The following GRIK4 variants were observed in gnomAD, a reference collection of about 807,000 sequenced individuals.
GRIK4 encodes glutamate receptor ionotropic, kainate 4.
Under a neutral mutation model 104.9 loss-of-function variants are expected in GRIK4, and 40 were observed. The observed-to-expected ratio is 0.38, with a 90% CI of 0.30 to 0.50. The LOEUF (loss-of-function observed/expected upper bound fraction) is 0.50. GRIK4 is among the 20% of genes least tolerant of loss of function. GRIK4 has a pLI of 0.93. For missense variants in GRIK4, 1,047 were observed against 1,308.1 expected (o/e 0.80, Z 3.08); for synonymous variants, 485 against 524.9 (o/e 0.92, Z 1.04).
intron 3 of GRIK4, among the ~76,000 whole-genome samples, chr11:120,772,661 C>T (rs377151466): frequency 4.0e-5 from 6 of 151,164 alleles, no homozygotes; most frequent in African/African-American, 1.2e-4. Flanking sequence ...GTGTGTGTTA[C>T]ATGGGAGAAA....
At chr11:120,925,381 C>A (rs1943321176) in intron 13 of GRIK4, among the ~76,000 whole-genome samples, 1 of 152,174 alleles carries the variant, frequency 6.6e-6, no homozygotes, top group African/African-American at 2.4e-5. Context: ...TTTACACAGG[C>A]CCCCGATCAC....
intron 3 of GRIK4, among the ~76,000 whole-genome samples, chr11:120,711,802 C>T (rs1950738698): frequency 6.6e-6 from 1 of 152,216 alleles, no homozygotes; most frequent in Non-Finnish European, 1.5e-5. Context: ...CCCCAGTGCC[C>T]TCAGGCCAGG....
intron 1 of GRIK4, among the ~76,000 whole-genome samples, chr11:120,547,815 T>G (rs1948100545): frequency 1.3e-5 from 2 of 152,216 alleles, no homozygotes; most frequent in African/African-American, 4.8e-5. Flanking sequence ...CTGAATTTAT[T>G]TTTTATAAGA....
At chr11:120,623,461 G>C (rs1949215254) in intron 1 of GRIK4, among the ~76,000 whole-genome samples, 2 of 152,154 alleles carry the variant, frequency 1.3e-5, no homozygotes, top group East Asian at 3.9e-4. Context: ...TGACCCCATC[G>C]GTCTGTGAAC....
chr11:120,531,088 T>G (rs954690136), intron 1 of GRIK4, among the ~76,000 whole-genome samples: 1 of 152,196 alleles, frequency 6.6e-6, no homozygotes, highest in Non-Finnish European at 1.5e-5. Flanking sequence ...CAGAAGGGTG[T>G]GACAGCCCTT....
Position 120,985,886 on chromosome 11 carries a change from C to T in GRIK4, c.2515-18C>T. On this transcript the variant is annotated intron_variant, in intron 20 of 20. Transcript: ENST00000527524. ...GGCTGGTTGAGAGGCTGGGCCCTGA[C>T]CTCGCTGTCTCCTCCAGGTGTCCGT... The T allele has an allele frequency of 1.3e-6, 2 of 1,550,478 alleles. No homozygotes were observed. The highest frequency in any genetic ancestry group is 1.7e-6 in the Non-Finnish European group (2 of 1,146,968).
intron 11 of GRIK4, among the ~76,000 whole-genome samples, chr11:120,893,686 G>A (rs147459436): frequency 1.4e-4 from 22 of 152,328 alleles, no homozygotes; most frequent in African/African-American, 4.8e-4. Flanking sequence ...GTACACATCC[G>A]TTCCCAGCTC....
At chr11:120,551,382 C>T (rs939729599) in intron 1 of GRIK4, among the ~76,000 whole-genome samples, 4 of 152,196 alleles carry the variant, frequency 2.6e-5, no homozygotes, top group Admixed American at 6.5e-5. Context: ...TGGGTCCCGC[C>T]CTCATACCCA....
At chr11:120,776,008 A>T (rs775966862) in intron 3 of GRIK4, among the ~76,000 whole-genome samples, 10 of 152,244 alleles carry the variant, frequency 6.6e-5, no homozygotes, top group Non-Finnish European at 1.3e-4. Context: ...CTGAGAAGGC[A>T]TCTCTCAGTT....
At chr11:120,767,628 A>G (rs570729175) in intron 3 of GRIK4, among the ~76,000 whole-genome samples, 2 of 152,246 alleles carry the variant, frequency 1.3e-5, no homozygotes, top group South Asian at 2.1e-4. Context: ...TGTTAAGGCC[A>G]GTGTCAAGGA....
At chr11:120,571,328 G>T (rs1041251939) in intron 1 of GRIK4, among the ~76,000 whole-genome samples, 1 of 152,252 alleles carries the variant, frequency 6.6e-6, no homozygotes, top group African/African-American at 2.4e-5. Context: ...TCTGCATGCC[G>T]CTGCACACCC....
intron 1 of GRIK4, among the ~76,000 whole-genome samples, chr11:120,597,300 T>C (rs2135123041): frequency 6.6e-6 from 1 of 152,300 alleles, no homozygotes; most frequent in East Asian, 1.9e-4. Context: ...CCCACCATGA[T>C]GAGGAGATGA....
chr11:120,611,958 G>A (rs2135148976), intron 1 of GRIK4, among the ~76,000 whole-genome samples: 1 of 152,224 alleles, frequency 6.6e-6, no homozygotes, highest in East Asian at 1.9e-4. Flanking sequence ...TGGGTTGAGG[G>A]CACCCCCTCC....
In GRIK4 at chr11:120,524,428, G is replaced by C. The variant is rs1269446308; in HGVS notation, c.-159+12541G>C. Among the ~76,000 whole-genome samples, 1 of 152,174 alleles carries C rather than the reference G, an allele frequency of 6.6e-6. No individual in the cohort carries two copies. Among genetic ancestry groups the C allele is most frequent in the Non-Finnish European group, 1.5e-5 (1 of 68,032 alleles). On this transcript the variant is annotated intron_variant, in intron 1 of 20. Transcript: ENST00000527524. The surrounding 1 kb of genome is among the most constrained non-coding windows in gnomAD (Gnocchi z 4.5). ...TATGGGATTGAAAAGTCAATTGTGTGATCTTAAAACACATTTCCCCTGGTG... is the reference window on the plus strand; with the variant it reads ...TATGGGATTGAAAAGTCAATTGTGTCATCTTAAAACACATTTCCCCTGGTG...
intron 3 of GRIK4, among the ~76,000 whole-genome samples, chr11:120,676,422 G>T (rs955434976): frequency 6.6e-6 from 1 of 152,178 alleles, no homozygotes; most frequent in Non-Finnish European, 1.5e-5. Context: ...AAGAAAAGAG[G>T]TTTATTTAGC....
chr11:120,907,473 C>A (rs749168680), intron 13 of GRIK4, among the ~76,000 whole-genome samples: 1 of 152,168 alleles, frequency 6.6e-6, no homozygotes, highest in Non-Finnish European at 1.5e-5. Flanking sequence ...AAAAATACTG[C>A]TGCTTTGGCC....
At chr11:120,976,745 T>G (rs945149402) in intron 19 of GRIK4, among the ~76,000 whole-genome samples, 17 of 152,348 alleles carry the variant, frequency 1.1e-4, no homozygotes, top group African/African-American at 3.4e-4. Flanking sequence ...GTGGCACTAG[T>G]CAGTCCTCTG....
At chr11:120,786,929 C>T (rs539826785) in intron 3 of GRIK4, among the ~76,000 whole-genome samples, 232 of 152,290 alleles carry the variant, frequency 1.5e-3, no homozygotes, top group African/African-American at 5.5e-3. Context: ...TGGAGATGTG[C>T]TTTAAATATA....
intron 1 of GRIK4, among the ~76,000 whole-genome samples, chr11:120,571,831 C>T (rs1434812538): frequency 6.6e-6 from 1 of 152,148 alleles, no homozygotes; most frequent in Admixed American, 6.6e-5. Flanking sequence ...TTTAAACTTT[C>T]CTGGGTGAAC....
Sources: allele counts gnomAD v4.1 joint callset (sites outside exome capture counted in the v4.1 genomes callset), GRCh38; gene constraint gnomAD v4.1.1; non-coding constraint Gnocchi (gnomAD v3.1); transcripts MANE v1.5; gene names NCBI Gene and HGNC (gene_info 2026-07-23, HGNC 2026-07-21).